The following GRIK2 variants were observed in gnomAD, a reference collection of about 807,000 sequenced individuals.
GRIK2 encodes glutamate receptor ionotropic, kainate 2.
In GRIK2, 32 loss-of-function variants were observed where a neutral mutation model predicts 100.3. The ratio of observed to expected loss-of-function variants is 0.32; its 90% confidence interval spans 0.24 to 0.43. The LOEUF (loss-of-function observed/expected upper bound fraction) is 0.43, where lower values mean the gene tolerates loss of function less well. Ranked by LOEUF, GRIK2 falls within the 20% of genes least tolerant of loss-of-function variation. GRIK2 has a pLI of 1.00. For synonymous variants in GRIK2, 417 were observed against 389.4 expected, an observed-to-expected ratio of 1.07 and a Z score of -0.83; for missense variants, 843 against 1,114.9, an observed-to-expected ratio of 0.76 and a Z score of 3.47.
chr6:101,786,756 C>A (rs1178555067), intron 7 of GRIK2, among the ~76,000 whole-genome samples: 4 of 151,978 alleles, frequency 2.6e-5, no homozygotes, highest in African/African-American at 9.7e-5. Flanking sequence ...AACATAGATA[C>A]AAAACATAGA....
intron 2 of GRIK2, among the ~76,000 whole-genome samples, chr6:101,543,249 C>A (rs1324480988): frequency 6.6e-6 from 1 of 152,142 alleles, no homozygotes; most frequent in African/African-American, 2.4e-5. Context: ...ATCTTATTTT[C>A]TTCTGTGCCA....
chr6:101,937,039 C>T (rs911575486), intron 14 of GRIK2, among the ~76,000 whole-genome samples: 4 of 152,046 alleles, frequency 2.6e-5, no homozygotes, highest in African/African-American at 9.7e-5. Context: ...CGAAAGTAGC[C>T]TCTCTAAAAT....
chr6:101,459,481 C>A (rs1771183319), intron 2 of GRIK2, among the ~76,000 whole-genome samples: 2 of 152,118 alleles, frequency 1.3e-5, no homozygotes, highest in Non-Finnish European at 2.9e-5. Context: ...CAGTATAGTT[C>A]TAGTCATAGA....
At chr6:101,710,208 C>A (rs1351445526) in intron 7 of GRIK2, among the ~76,000 whole-genome samples, 2 of 151,754 alleles carry the variant, frequency 1.3e-5, no homozygotes, top group Non-Finnish European at 2.9e-5. Context: ...TAAATGTCAT[C>A]TCCTGTGATG....
chr6:101,636,035 T>C (rs1244940544), intron 4 of GRIK2, among the ~76,000 whole-genome samples: 2 of 152,010 alleles, frequency 1.3e-5, no homozygotes, highest in East Asian at 3.9e-4. Context: ...CATTCTACTA[T>C]AAAGACACAT....
chr6:101,698,890 A>G (rs1772683572), intron 7 of GRIK2, among the ~76,000 whole-genome samples: 1 of 152,260 alleles, frequency 6.6e-6, no homozygotes, highest in African/African-American at 2.4e-5. Flanking sequence ...ATAACTTTAC[A>G]TAAAGACACA....
chr6:101,799,690 G>A lies in GRIK2; in HGVS notation c.994G>A (p.Val332Met), dbSNP rs1380535262. 4 of 1,613,162 alleles carry A rather than the reference G, an allele frequency of 2.5e-6. No homozygotes were observed. The highest frequency in any genetic ancestry group is 3.4e-6 in the Non-Finnish European group (4 of 1,179,214). Residue 332 changes from valine to methionine, a missense_variant, in exon 8 of 17, where the codon GTG (valine) becomes ATG (methionine). By Grantham distance (21) the Val-to-Met change is conservative. Transcript: ENST00000369134. ...GTATGATGCTGTGCATGTGGTGTCT[G>A]TGGCCGTTCAACAGTTTCCCCAGAT... is the stretch of plus-strand genomic sequence containing the variant. Reference protein sequence around the residue: ...LMYDAVHVVSVAVQQFPQMTV... With the variant: ...LMYDAVHVVSMAVQQFPQMTV...
chr6:101,495,351 A>C (rs1396811262), intron 2 of GRIK2, among the ~76,000 whole-genome samples: 1 of 151,900 alleles, frequency 6.6e-6, no homozygotes, highest in Non-Finnish European at 1.5e-5. Context: ...TAAAAATACA[A>C]AACAATTAGC....
chr6:102,035,338 C>T lies in GRIK2; in HGVS notation c.2086-3C>T. On this transcript the variant is annotated splice_region_variant and splice_polypyrimidine_tract_variant and intron_variant, in intron 14 of 16. Coordinates refer to ENST00000369134, the MANE Select transcript of GRIK2 (RefSeq NM_021956.5). The stretch of plus-strand genomic sequence containing the variant: ...GTGACCAACTTATATTTATTTTCTT[C>T]AGAAATCAAAAATCTCCACGTATGA... 6.4e-7 allele frequency: 1 copy of T among 1,563,898 alleles called. No homozygotes were observed. Among genetic ancestry groups the T allele is most frequent in the Non-Finnish European group, 8.8e-7 (1 of 1,138,348 alleles).
chr6:101,570,338 T>C (rs901180372), intron 2 of GRIK2, among the ~76,000 whole-genome samples: 8 of 152,004 alleles, frequency 5.3e-5, no homozygotes, highest in Non-Finnish European at 1.2e-4. Context: ...GCTCAAGAAA[T>C]GGTGATGATA....
intron 7 of GRIK2, among the ~76,000 whole-genome samples, chr6:101,772,436 C>G (rs1368635126): frequency 1.3e-5 from 2 of 152,162 alleles, no homozygotes; most frequent in African/African-American, 4.8e-5. Context: ...GAAGATGCCA[C>G]TGAGTTACTA....
chr6:101,980,857 A>G (rs1239515668), intron 14 of GRIK2, among the ~76,000 whole-genome samples: 3 of 151,356 alleles, frequency 2.0e-5, no homozygotes, highest in African/African-American at 7.3e-5. Flanking sequence ...TAAGCACTGA[A>G]GTAACAAATT....
At chr6:102,048,178 C>A (rs965236859) in intron 15 of GRIK2, among the ~76,000 whole-genome samples, 1 of 151,256 alleles carries the variant, frequency 6.6e-6, no homozygotes, top group Admixed American at 6.6e-5. Flanking sequence ...GTAATTTGGT[C>A]TTTTTCTCAC....
At chr6:101,778,604 C>A (rs1583130890) in intron 7 of GRIK2, among the ~76,000 whole-genome samples, 2 of 152,146 alleles carry the variant, frequency 1.3e-5, no homozygotes, top group Non-Finnish European at 2.9e-5. Flanking sequence ...ATCCAAAAGT[C>A]ATTCCAAAAG....
intron 7 of GRIK2, among the ~76,000 whole-genome samples, chr6:101,708,076 T>C (rs900089506): frequency 2.6e-5 from 4 of 151,834 alleles, no homozygotes; most frequent in East Asian, 1.9e-4. Flanking sequence ...AGTAAATAAA[T>C]GTTACAGACA....
At chr6:101,936,653 A>G (rs1351315230) in intron 14 of GRIK2, among the ~76,000 whole-genome samples, 3 of 152,058 alleles carry the variant, frequency 2.0e-5, no homozygotes, top group African/African-American at 7.2e-5. Flanking sequence ...GGAAACCAAC[A>G]CCATTTTACT....
At chr6:101,596,507 A>T (rs1778937756) in intron 2 of GRIK2, among the ~76,000 whole-genome samples, 1 of 151,718 alleles carries the variant, frequency 6.6e-6, no homozygotes, top group African/African-American at 2.4e-5. Context: ...GATAGGAAGA[A>T]TCAAGAGATA....
At chr6:101,894,775 G>A (rs1461742882) in intron 12 of GRIK2, among the ~76,000 whole-genome samples, 1 of 151,160 alleles carries the variant, frequency 6.6e-6, no homozygotes, top group African/African-American at 2.4e-5. Context: ...TCCCATATAT[G>A]TTAGGTTTTT....
intron 2 of GRIK2, among the ~76,000 whole-genome samples, chr6:101,591,020 G>A (rs932599410): frequency 6.6e-6 from 1 of 151,852 alleles, no homozygotes; most frequent in Non-Finnish European, 1.5e-5. Context: ...AAATAAAGAG[G>A]ATGCTTTTGG....
Sources: gnomAD v4.1 joint callset for allele counts (sites outside exome capture counted in the v4.1 genomes callset) on GRCh38, gnomAD v4.1.1 for gene constraint, MANE v1.5 for transcripts, NCBI Gene and HGNC (gene_info 2026-07-23, HGNC 2026-07-21) for gene names.